Variants in BBS12 observed in about 807,000 individuals in gnomAD.
The protein encoded by BBS12 is Bardet-Biedl syndrome 12.
In BBS12, 5 loss-of-function variants were observed where a neutral mutation model predicts 5.6. The observed-to-expected ratio is 0.89, with a 90% CI of 0.46 to 1.86. The LOEUF (loss-of-function observed/expected upper bound fraction) is 1.86, where lower values mean the gene tolerates loss of function less well. Among genes scored for constraint, BBS12 ranks in the 40% most tolerant of loss-of-function variants. The probability of loss-of-function intolerance (pLI) is 0.01; values close to 1 mark genes in which losing one functional copy is unlikely to be tolerated. For synonymous variants in BBS12, 308 were observed against 306.8 expected, an observed-to-expected ratio of 1.00 and a Z score of -0.04; for missense variants, 748 against 830.4, an observed-to-expected ratio of 0.90 and a Z score of 1.22.
chr4:122,715,161 G>A, the BBS12 span, among the ~76,000 whole-genome samples: 1 of 150,268 alleles, frequency 6.7e-6, no homozygotes, highest in Non-Finnish European at 1.5e-5. Context: ...ACACACACAC[G>A]CAAACTACAT....
At chr4:122,714,938 A>T in the BBS12 span, among the ~76,000 whole-genome samples, 11 of 152,234 alleles carry the variant, frequency 7.2e-5, 2 homozygotes, top group Admixed American at 1.3e-4. Context: ...TGTTTTACAT[A>T]GTTGAGGAAA....
rs144714398 is a variant in BBS12 at position 122,743,264 on chromosome 4, A to G, written c.1372A>G (p.Thr458Ala). ...AAGAVQVAYI[T>A]QVNEDCVGDG... ...AGGAGCAGTACAGGTGGCCTACATT[A>G]CACAAGTGAATGAAGATTGTGTGGG... is the stretch of plus-strand genomic sequence containing the variant. The change falls in exon 2 of 2, where the codon ACA becomes GCA. Residue 458 changes from threonine (T) to alanine (A), a missense_variant. By Grantham distance (58) the Thr-to-Ala change is moderately conservative. Coordinates refer to ENST00000314218, the MANE Select transcript of BBS12 (RefSeq NM_152618.3). The G allele has an allele frequency of 2.5e-6, 4 of 1,614,118 alleles. No homozygotes were observed. The African/African-American group carries it at 5.3e-5, about 22-fold the overall frequency.
At position 122,743,181 on chromosome 4, in the gene BBS12, A is replaced by G. The variant is rs201158536; in HGVS notation, c.1289A>G (p.Lys430Arg). ...TTAATTGAAAAATGTATAAACAGTA[A>G]GCGGTTGGTAATCGGCTCAGTGAAT... ...ERLIEKCINS[K>R]RLVIGSVNGS... The change falls in exon 2 of 2, where the codon AAG becomes AGG. Residue 430 changes from lysine (K) to arginine (R), a missense_variant. By Grantham distance (26) the Lys-to-Arg change is conservative (BLOSUM62 2). Coordinates refer to ENST00000314218, the MANE Select transcript of BBS12 (RefSeq NM_152618.3). The G allele has an allele frequency of 1.6e-5, 26 of 1,614,202 alleles. 1 individual carries two copies. In the East Asian group the frequency reaches 3.8e-4, roughly 24 times the overall value.
the BBS12 span, among the ~76,000 whole-genome samples, chr4:122,716,660 C>CATATGTATCT: frequency 3.4e-5 from 2 of 59,624 alleles, no homozygotes; most frequent in Admixed American, 1.9e-4. Context: ...TGTATATGCA[C>CATATGTATCT]ATACACATAT....
In BBS12 at chr4:122,744,702, T is replaced by C. The variant is rs1800961092; in HGVS notation, c.*677T>C. 1 of 167,214 alleles carries C rather than the reference T, an allele frequency of 6.0e-6. No homozygotes were observed. The highest frequency in any genetic ancestry group is 6.5e-5 in the Admixed American group (1 of 15,286). The allele number at this position is 167,214 out of a possible 1,614,324, so 10.4% of individuals were successfully genotyped here. A position where few individuals can be genotyped will look rare whatever the true frequency, so the allele number is the denominator to read the frequency against. ...TGATTAACCTGACAGTCGGGTTGTT[T>C]AGTCAGTACCAAATTTGTTCATTTG... is the stretch of plus-strand genomic sequence containing the variant. On this transcript the variant is annotated 3_prime_UTR_variant, in exon 2 of 2. Coordinates refer to ENST00000314218, the MANE Select transcript of BBS12 (RefSeq NM_152618.3).
At chr4:122,721,357 G>A in the BBS12 span, among the ~76,000 whole-genome samples, 1 of 152,206 alleles carries the variant, frequency 6.6e-6, no homozygotes, top group Non-Finnish European at 1.5e-5. Flanking sequence ...AGATGAGGGA[G>A]ATAAACAGAG....
the BBS12 span, among the ~76,000 whole-genome samples, chr4:122,713,046 G>A: frequency 4.9e-4 from 75 of 152,296 alleles, no homozygotes; most frequent in Admixed American, 4.2e-3. Flanking sequence ...GATGACTGCA[G>A]TTATAAAGCT....
the BBS12 span, among the ~76,000 whole-genome samples, chr4:122,707,038 G>GTC: frequency 0.22 from 21,065 of 96,790 alleles, 4,009 homozygotes; most frequent in African/African-American, 0.31. Flanking sequence ...TATTCATTTT[G>GTC]TCTCTCTCTC....
chr4:122,702,698 A>AGCAC, the BBS12 span, among the ~76,000 whole-genome samples: 2 of 152,348 alleles, frequency 1.3e-5, no homozygotes, highest in South Asian at 4.1e-4. Context: ...AAAGGATGTT[A>AGCAC]GCACCTCCTC....
the BBS12 span, among the ~76,000 whole-genome samples, chr4:122,727,539 G>C: frequency 4.5e-5 from 5 of 109,986 alleles, no homozygotes; most frequent in African/African-American, 2.0e-4. Context: ...CACCGCCCCT[G>C]GCCAATTTTT....
At chr4:122,741,848 C>G in intron 1 of BBS12, 35 bp from the exon 2 acceptor site, 1 of 1,542,620 alleles carries the variant, frequency 6.5e-7, no homozygotes, top group Non-Finnish European at 8.9e-7. Flanking sequence ...ATGAATTATA[C>G]TGAATAAAGT....
rs1800877352 is a variant in BBS12, at chr4:122,741,898, G to A, written c.6G>A (p.Val2=). The A allele has an allele frequency of 6.2e-7, 1 of 1,614,010 alleles. No individual in the cohort carries two copies. The highest frequency in any genetic ancestry group is 1.3e-5 in the African/African-American group (1 of 75,032). Residue 2 remains valine (V), a synonymous_variant, in exon 2 of 2, where the codon GTG becomes GTA. Transcript: ENST00000314218. M[V]MACRVVNKRR... Reference sequence around the variant, plus strand: ...TTGTTTGCAGATCATGATACATGGTGATGGCTTGCAGAGTCGTAAACAAAA... The same window carrying A: ...TTGTTTGCAGATCATGATACATGGTAATGGCTTGCAGAGTCGTAAACAAAA...
chr4:122,712,397 CTATGATGG>C, the BBS12 span, among the ~76,000 whole-genome samples: 6 of 152,188 alleles, frequency 3.9e-5, no homozygotes, highest in African/African-American at 1.4e-4. Context: ...TCACAAAAGG[CTATGATGG>C]TCTAAGCATA....
In BBS12 at chr4:122,742,518, A is replaced by T. The variant is rs1472424724; in HGVS notation, c.626A>T (p.Asp209Val). ...LFKPQTKVEA[D>V]NNTSRTLKNS... Reference sequence around the variant, plus strand: ...AAACCTCAGACAAAGGTTGAAGCAGATAACAACACATCACGAACTCTGAAA... The same window carrying T: ...AAACCTCAGACAAAGGTTGAAGCAGTTAACAACACATCACGAACTCTGAAA... The change falls in exon 2 of 2, where the codon GAT becomes GTT. Residue 209 changes from aspartate (D) to valine (V), a missense_variant. Physicochemically the swap from Asp to Val is radical, Grantham distance 152. Coordinates refer to ENST00000314218, the MANE Select transcript of BBS12 (RefSeq NM_152618.3). 6.2e-7 allele frequency: 1 copy of T among 1,614,194 alleles called. No individual in the cohort carries two copies. The highest frequency in any genetic ancestry group is 2.2e-5 in the East Asian group (1 of 44,884).
upstream of BBS12, chr4:122,731,273 AT>A (rs1277662634): frequency 1.3e-5 from 2 of 152,232 alleles, no homozygotes; most frequent in African/African-American, 4.8e-5. Context: ...CCTGGCAAAA[AT>A]AGGCATTCAA....
the BBS12 span, among the ~76,000 whole-genome samples, chr4:122,703,593 A>AT: frequency 6.6e-6 from 1 of 152,150 alleles, no homozygotes; most frequent in African/African-American, 2.4e-5. Flanking sequence ...GAATTTTTCA[A>AT]AGCTGGTGAG....
intron 1 of BBS12, among the ~76,000 whole-genome samples, chr4:122,741,184 T>TG (rs1016598279): frequency 6.6e-6 from 1 of 152,086 alleles, no homozygotes; most frequent in African/African-American, 2.4e-5. Context: ...CATGTTTTTT[T>TG]TTGTTGTTGT....
rs1800949665 is a variant in BBS12, at chr4:122,744,159, C to T, written c.*134C>T. ...GAAAATAGTTGATGTCTGTCAATAA[C>T]TGTGCATGGTCTGAGATTTTACCCT... On this transcript the variant is annotated 3_prime_UTR_variant, in exon 2 of 2. Transcript: ENST00000314218. The T allele has an allele frequency of 4.4e-6, 4 of 913,798 alleles. No individual in the cohort carries two copies. Among genetic ancestry groups the T allele is most frequent in the Admixed American group, 2.2e-5 (1 of 45,792 alleles). 56.6% of individuals were successfully genotyped at this position (913,798 alleles called of 1,614,324 possible).
the BBS12 span, among the ~76,000 whole-genome samples, chr4:122,710,948 T>C: frequency 6.6e-6 from 1 of 152,150 alleles, no homozygotes; most frequent in African/African-American, 2.4e-5. Context: ...TAGAACATGA[T>C]TGAGCTGTCA....
Sources: allele counts gnomAD v4.1 joint callset (sites outside exome capture counted in the v4.1 genomes callset), GRCh38; gene constraint gnomAD v4.1.1; transcripts MANE v1.5; gene names NCBI Gene and HGNC (gene_info 2026-07-23, HGNC 2026-07-21).